PTGER3: variants seen among roughly 807,000 people sequenced by gnomAD.
PTGER3 encodes prostaglandin E receptor 3, also known as prostaglandin E2 receptor EP3 subtype.
A neutral mutation model predicts 34.7 loss-of-function variants in PTGER3; 22 were observed. The observed-to-expected ratio is 0.63, with a 90% CI of 0.45 to 0.91. The LOEUF (loss-of-function observed/expected upper bound fraction) is 0.91. Ranked by LOEUF, PTGER3 falls within the 40% of genes least tolerant of loss-of-function variation. The pLI, the probability that PTGER3 is intolerant of heterozygous loss-of-function variation, is 0.00. For missense variants in PTGER3, 468 were observed against 519.4 expected (o/e 0.90, Z 0.96); for synonymous variants, 241 against 230.1 (o/e 1.05, Z -0.43).
At chr1:70,861,053 A>C (rs1223718936) in intron 4 of PTGER3, among the ~76,000 whole-genome samples, 1 of 152,178 alleles carries the variant, frequency 6.6e-6, no homozygotes, top group Non-Finnish European at 1.5e-5. Flanking sequence ...AGGGATTCCC[A>C]CTGATCTTGT....
chr1:70,893,182 T>C (rs1646656051), intron 4 of PTGER3, among the ~76,000 whole-genome samples: 1 of 152,248 alleles, frequency 6.6e-6, no homozygotes, highest in African/African-American at 2.4e-5. Flanking sequence ...TTACCCATTA[T>C]GTGCCAGGCA....
At chr1:70,893,874 C>T (rs924995668) in intron 4 of PTGER3, among the ~76,000 whole-genome samples, 8 of 152,092 alleles carry the variant, frequency 5.3e-5, no homozygotes, top group African/African-American at 1.9e-4. Context: ...ATACCCCATT[C>T]AACATTTTCT....
chr1:70,968,342 G>A (rs2100661595), downstream of PTGER3, among the ~76,000 whole-genome samples: 1 of 152,282 alleles, frequency 6.6e-6, no homozygotes, highest in African/African-American at 2.4e-5. Context: ...CTTTACAGTA[G>A]TTACTATAAT....
intron 2 of PTGER3, among the ~76,000 whole-genome samples, chr1:70,981,311 C>T (rs12736973): frequency 0.013 from 817 of 62,060 alleles, 28 homozygotes; most frequent in African/African-American, 0.042. Flanking sequence ...TTCCTTCCTT[C>T]CTTCCTTTCT....
intron 2 of PTGER3, among the ~76,000 whole-genome samples, chr1:70,989,516 T>C (rs566931794): frequency 1.3e-5 from 2 of 152,324 alleles, no homozygotes; most frequent in African/African-American, 4.8e-5. Flanking sequence ...GTCTGAGTTT[T>C]CATGAGCTAC....
intron 1 of PTGER3, among the ~76,000 whole-genome samples, chr1:71,017,327 TC>T (rs1008416126): frequency 6.6e-6 from 1 of 152,024 alleles, no homozygotes; most frequent in Admixed American, 6.6e-5. Flanking sequence ...GAGGATGACC[TC>T]CTCTAAAAAC....
intron 2 of PTGER3, among the ~76,000 whole-genome samples, chr1:70,957,089 A>G (rs1405380190): frequency 3.9e-5 from 6 of 152,202 alleles, no homozygotes; most frequent in Admixed American, 1.3e-4. Context: ...TCCCCAAATA[A>G]GAAAGTCTGA....
chr1:70,935,615 G>A (rs910285636), intron 4 of PTGER3, among the ~76,000 whole-genome samples: 3 of 149,840 alleles, frequency 2.0e-5, no homozygotes, highest in African/African-American at 4.9e-5. Flanking sequence ...AAATAATTGG[G>A]ATACTTTGAA....
At chr1:70,945,203 C>G (rs1650115283) in intron 4 of PTGER3, among the ~76,000 whole-genome samples, 1 of 152,092 alleles carries the variant, frequency 6.6e-6, no homozygotes, top group Non-Finnish European at 1.5e-5. Context: ...GAAAAACAAA[C>G]TAAACATGGC....
At chr1:71,035,639 A>T (rs1659754532) in intron 1 of PTGER3, among the ~76,000 whole-genome samples, 1 of 152,240 alleles carries the variant, frequency 6.6e-6, no homozygotes, top group African/African-American at 2.4e-5. Context: ...AGATCAAATC[A>T]TTCCCCTACA....
intron 2 of PTGER3, among the ~76,000 whole-genome samples, chr1:70,978,852 T>C (rs986991388): frequency 1.3e-5 from 2 of 152,096 alleles, no homozygotes; most frequent in Non-Finnish European, 2.9e-5. Context: ...TTGGAGATGA[T>C]GTAATCCAAC....
intron 4 of PTGER3, among the ~76,000 whole-genome samples, chr1:70,887,645 A>G (rs1482807021): frequency 6.6e-6 from 1 of 151,920 alleles, no homozygotes; most frequent in Admixed American, 6.6e-5. Context: ...AAGTCTCTAA[A>G]TAATTTTTCT....
chr1:70,933,746 G>A (rs979216064), intron 4 of PTGER3, among the ~76,000 whole-genome samples: 1 of 152,172 alleles, frequency 6.6e-6, no homozygotes, highest in Non-Finnish European at 1.5e-5. Context: ...TTAATAGCTA[G>A]AGTCACTCTA....
chr1:71,030,670 A>G (rs11800326), intron 1 of PTGER3, among the ~76,000 whole-genome samples: 16,270 of 152,148 alleles, frequency 0.11, 1,118 homozygotes, highest in East Asian at 0.23. Context: ...ATCATTTAAC[A>G]AGTTACTGTC....
chr1:70,918,102 A>C (rs925784664), intron 4 of PTGER3, among the ~76,000 whole-genome samples: 6 of 152,038 alleles, frequency 3.9e-5, no homozygotes, highest in Non-Finnish European at 7.4e-5. Flanking sequence ...ATTTACAGCC[A>C]ACTGATTTTC....
intron 2 of PTGER3, among the ~76,000 whole-genome samples, chr1:70,978,816 T>C (rs1303206305): frequency 2.0e-5 from 3 of 151,930 alleles, no homozygotes; most frequent in Non-Finnish European, 4.4e-5. Context: ...TAAAGAAAAC[T>C]GCACATTTTA....
intron 3 of PTGER3, among the ~76,000 whole-genome samples, chr1:70,972,356 C>A (rs1653177421): frequency 6.6e-6 from 1 of 152,184 alleles, no homozygotes; most frequent in Non-Finnish European, 1.5e-5. Context: ...TTAAAGTATT[C>A]TGTTTATTTT....
chr1:70,906,681 T>C (rs1389167209), intron 4 of PTGER3, among the ~76,000 whole-genome samples: 1 of 152,186 alleles, frequency 6.6e-6, no homozygotes, highest in Non-Finnish European at 1.5e-5. Flanking sequence ...GAATTAAATA[T>C]GTATAAAAGT....
At chr1:71,020,406 T>C (rs34913516) in intron 1 of PTGER3, among the ~76,000 whole-genome samples, 1 of 152,186 alleles carries the variant, frequency 6.6e-6, no homozygotes, top group East Asian at 1.9e-4. Context: ...AAGTCATTTA[T>C]CTCTGAACTT....
Sources: allele counts gnomAD v4.1 joint callset (sites outside exome capture counted in the v4.1 genomes callset), GRCh38; gene constraint gnomAD v4.1.1; transcripts MANE v1.5; gene names NCBI Gene and HGNC (gene_info 2026-07-23, HGNC 2026-07-21).